The following OTOGL variants were observed in gnomAD, a reference collection of about 807,000 sequenced individuals.
OTOGL encodes otogelin like, also known as otogelin-like protein.
In OTOGL, 285 loss-of-function variants were observed where a neutral mutation model predicts 318.5. That is an observed-to-expected ratio of 0.89 (90% CI 0.81 to 0.99). The LOEUF is 0.99. Ranked by LOEUF, OTOGL falls within the 50% of genes least tolerant of loss-of-function variation. OTOGL has a pLI of 0.00. For synonymous variants in OTOGL, 987 were observed against 936.5 expected (o/e 1.05, Z -0.99); for missense variants, 2,899 against 2,845.6 (o/e 1.02, Z -0.43).
chr12:80,192,589 C>A (rs957866950), intron 1 of OTOGL, among the ~76,000 whole-genome samples: 1 of 152,150 alleles, frequency 6.6e-6, no homozygotes, highest in Admixed American at 6.5e-5. Flanking sequence ...GAATTTTCTC[C>A]AAGATGCTGT....
chr12:80,201,388 G>C (rs953988522), intron 1 of OTOGL, among the ~76,000 whole-genome samples: 1 of 152,104 alleles, frequency 6.6e-6, no homozygotes, highest in African/African-American at 2.4e-5. Flanking sequence ...GAGCAGGACT[G>C]TCACATAGCG....
rs895948513 is a variant in OTOGL, at chr12:80,314,185, A to G, written c.3608-120A>G. ...TTCTTTGCTCAGAAAAAGTTCCTAA[A>G]TAATACCATTTTATATTCTTTCACA... On this transcript the variant is annotated intron_variant, in intron 31 of 58. Coordinates refer to ENST00000547103, the MANE Select transcript of OTOGL (RefSeq NM_001378609.3). 13 of 323,196 alleles carry G rather than the reference A, an allele frequency of 4.0e-5. No homozygotes were observed. In the Admixed American group the frequency reaches 5.3e-4, roughly 13 times the overall value. 20.0% of individuals were successfully genotyped at this position (323,196 alleles called of 1,614,324 possible). A position where few individuals can be genotyped will look rare whatever the true frequency, so the allele number is the denominator to read the frequency against.
At chr12:80,144,197 C>T (rs1358869086) in intron 1 of OTOGL, among the ~76,000 whole-genome samples, 3 of 152,116 alleles carry the variant, frequency 2.0e-5, no homozygotes, top group Non-Finnish European at 2.9e-5. Flanking sequence ...CCAATGCTAT[C>T]CCTTCCCACT....
chr12:80,183,839 G>A (rs527479236), intron 1 of OTOGL, among the ~76,000 whole-genome samples: 2 of 152,294 alleles, frequency 1.3e-5, no homozygotes, highest in South Asian at 4.1e-4. Flanking sequence ...TTGCTCCATA[G>A]GAGTGTTTCT....
intron 1 of OTOGL, among the ~76,000 whole-genome samples, chr12:80,179,189 G>A (rs1245016): frequency 0.32 from 48,913 of 151,962 alleles, 8,475 homozygotes; most frequent in Middle Eastern, 0.44. Flanking sequence ...AGGAATACTC[G>A]AGCTTTCTTA....
chr12:80,366,893 G>A (rs367670529), intron 53 of OTOGL, among the ~76,000 whole-genome samples: 1 of 151,654 alleles, frequency 6.6e-6, no homozygotes, highest in Non-Finnish European at 1.5e-5. Flanking sequence ...GTGGGCATTA[G>A]GCTCTTTTTA....
At position 80,237,783 on chromosome 12, in the gene OTOGL, T is replaced by C. The variant is rs1879997920; in HGVS notation, c.818-1068T>C. ...ATCTTCCCGGCGTTTGATAGTGGAA[T>C]GCACACATTATTTTTCTACTTTGAA... is the stretch of plus-strand genomic sequence containing the variant. On this transcript the variant is annotated intron_variant, in intron 9 of 58. Transcript: ENST00000547103. Among the ~76,000 whole-genome samples the C allele has an allele frequency of 5.3e-5, 8 of 152,318 alleles. 1 individual carries two copies. The highest frequency in any genetic ancestry group is 3.4e-3 in the Middle Eastern group (1 of 294).
Position 80,229,372 on chromosome 12 carries a change from G to T in OTOGL, c.605G>T (p.Gly202Val). ...TATGGTCATGAAATAAAAAAGAATGGAATCAGGTAGGATATGGGAAACAGT... is the reference window on the plus strand; with the variant it reads ...TATGGTCATGAAATAAAAAAGAATGTAATCAGGTAGGATATGGGAAACAGT... ...RIYGHEIKKN[G>V]ISLTLPQTIG... Residue 202 changes from glycine to valine, a missense_variant, in exon 8 of 59, where the codon GGA becomes GTA. Gly to Val is a moderately radical substitution (Grantham distance 109). Transcript: ENST00000547103. 1 of 1,594,758 alleles carries T rather than the reference G, an allele frequency of 6.3e-7. No individual in the cohort carries two copies. The highest frequency in any genetic ancestry group is 1.1e-5 in the South Asian group (1 of 90,940).
chr12:80,306,950 G>GCGGCCTTT (rs1298481996), intron 29 of OTOGL, among the ~76,000 whole-genome samples: 1 of 148,990 alleles, frequency 6.7e-6, no homozygotes, highest in Non-Finnish European at 1.5e-5. Flanking sequence ...AGAGGACCCT[G>GCGGCCTTT]CGGCCTTTCC....
At chr12:80,313,435 G>C (rs1351252253) in intron 30 of OTOGL, 41 bp from the exon 31 acceptor site, 1 of 1,530,688 alleles carries the variant, frequency 6.5e-7, no homozygotes, top group African/African-American at 1.4e-5. Flanking sequence ...ATCATAATCA[G>C]TATCTATTGA....
At chr12:80,170,698 C>T (rs565169458) in intron 1 of OTOGL, among the ~76,000 whole-genome samples, 8 of 152,006 alleles carry the variant, frequency 5.3e-5, no homozygotes, top group African/African-American at 1.7e-4. Flanking sequence ...CCTCCCAAAG[C>T]GCAGGGATTA....
intron 44 of OTOGL, chr12:80,343,705 G>C (rs1390822169): frequency 6.6e-6 from 1 of 151,398 alleles, no homozygotes; most frequent in Non-Finnish European, 1.5e-5. Flanking sequence ...AGGGAGGAAG[G>C]GACACTTGCT....
chr12:80,316,955 T>C (rs1887009998), intron 32 of OTOGL, among the ~76,000 whole-genome samples: 1 of 152,168 alleles, frequency 6.6e-6, no homozygotes, highest in Non-Finnish European at 1.5e-5. Context: ...TTAAAGCACA[T>C]ACATAAATAA....
At chr12:80,217,156 C>T (rs1260115116) in intron 4 of OTOGL, among the ~76,000 whole-genome samples, 1 of 151,930 alleles carries the variant, frequency 6.6e-6, no homozygotes, top group African/African-American at 2.4e-5. Flanking sequence ...TTTTTCCAAA[C>T]CTATCTGCGC....
rs965564302 is a variant in OTOGL, at chr12:80,302,076, C to G, written c.3064-558C>G. On this transcript the variant is annotated intron_variant, in intron 27 of 58. Transcript: ENST00000547103. ...TTCTTGTTAAGTTGAGAACTTTCCC[C>G]TTTTCACTTAAAGGAAGTACTTCAC... is the stretch of plus-strand genomic sequence containing the variant. 2.6e-5 allele frequency among the ~76,000 whole-genome samples: 4 copies of G among 152,128 alleles called. No individual in the cohort carries two copies. In the East Asian group the frequency reaches 7.7e-4, roughly 29 times the overall value.
intron 44 of OTOGL, among the ~76,000 whole-genome samples, chr12:80,345,961 T>G (rs1433718071): frequency 6.6e-6 from 1 of 152,160 alleles, no homozygotes; most frequent in Non-Finnish European, 1.5e-5. Flanking sequence ...TGCATTTTCT[T>G]TTTACCCACA....
Position 80,336,070 on chromosome 12 carries a change from T to G in OTOGL, c.4530T>G (p.Pro1510=). The change falls in exon 39 of 59, where the codon CCT becomes CCG. Residue 1510 remains proline, a synonymous_variant. Transcript: ENST00000547103. The part of the protein sequence containing the change: ...SLNCPKDVEM[P]DCGFRGRPVQ... ...ATTGCCCAAAGGACGTGGAAATGCC[T>G]GACTGTGGTTTCCGAGGAAGGCCAG... 1 of 1,598,902 alleles carries G rather than the reference T, an allele frequency of 6.3e-7. No homozygotes were observed. The highest frequency in any genetic ancestry group is 8.5e-7 in the Non-Finnish European group (1 of 1,179,422).
chr12:80,330,929 G>A (rs1487074562), intron 37 of OTOGL, among the ~76,000 whole-genome samples: 3 of 152,198 alleles, frequency 2.0e-5, no homozygotes, highest in Non-Finnish European at 4.4e-5. Context: ...CAAAAGAAGT[G>A]TAAAATTTGT....
chr12:80,128,568 G>A (rs1404348445), intron 1 of OTOGL, among the ~76,000 whole-genome samples: 2 of 152,184 alleles, frequency 1.3e-5, no homozygotes, highest in African/African-American at 4.8e-5. Flanking sequence ...CTTCAAAGCT[G>A]TCAGACAGGG....
Sources: allele counts gnomAD v4.1 joint callset (sites outside exome capture counted in the v4.1 genomes callset), GRCh38; gene constraint gnomAD v4.1.1; transcripts MANE v1.5; gene names NCBI Gene and HGNC (gene_info 2026-07-23, HGNC 2026-07-21).